Variants in EHF observed in about 807,000 individuals in gnomAD.
EHF encodes ESE3 transcription factor.
Under a neutral mutation model 45.1 loss-of-function variants are expected in EHF, and 14 were observed. That is an observed-to-expected ratio of 0.31 (90% confidence interval 0.21 to 0.49). EHF has a LOEUF of 0.49. EHF is among the 20% of genes least tolerant of loss of function. The pLI is 0.99. For missense variants in EHF, 282 were observed against 371.4 expected (o/e 0.76, Z 1.98); for synonymous variants, 136 against 131.8 (o/e 1.03, Z -0.22).
intron 1 of EHF, chr11:34,642,312 A>AAAC: frequency 5.5e-6 from 1 of 181,508 alleles, no homozygotes; most frequent in East Asian, 1.4e-4. Context: ...AAAAAAAAAA[A>AAAC]CTGCTTGGAT....
chr11:34,640,586 T>C (rs1853896742), intron 1 of EHF, among the ~76,000 whole-genome samples: 1 of 152,188 alleles, frequency 6.6e-6, no homozygotes, highest in South Asian at 2.1e-4. Flanking sequence ...GACTTAGAGA[T>C]TTTCTTTCGT....
chr11:34,629,531 A>G (rs1238505973), intron 1 of EHF, among the ~76,000 whole-genome samples: 1 of 152,192 alleles, frequency 6.6e-6, no homozygotes, highest in Non-Finnish European at 1.5e-5. Context: ...GAAAATTCAG[A>G]TGTTATTTGC....
In EHF at chr11:34,659,070, G is replaced by A. The variant is rs1855921312; in HGVS notation, c.*139G>A. On this transcript the variant is annotated 3_prime_UTR_variant, in exon 9 of 9. Transcript: ENST00000257831. ...GGGGAACAAGAAACTACTTCTAACG[G>A]GAAGAAGAAACACTACGGTCGATTA... is the stretch of plus-strand genomic sequence containing the variant. 1 of 642,440 alleles carries A rather than the reference G, an allele frequency of 1.6e-6. No homozygotes were observed. The highest frequency in any genetic ancestry group is 1.9e-5 in the African/African-American group (1 of 53,936). 39.8% of individuals were successfully genotyped at this position (642,440 alleles called of 1,614,324 possible).
intron 3 of EHF, 93 bp from the exon 4 acceptor site, chr11:34,648,926 A>G (rs1242309490): frequency 8.3e-7 from 1 of 1,204,576 alleles, no homozygotes; most frequent in Non-Finnish European, 1.2e-6. Flanking sequence ...GGATGGCAGA[A>G]GCTCTGCAAA....
chr11:34,639,164 G>A (rs1038293435), intron 1 of EHF, among the ~76,000 whole-genome samples: 59 of 152,186 alleles, frequency 3.9e-4, no homozygotes, highest in African/African-American at 1.4e-3. Flanking sequence ...ATGGCTGAAA[G>A]ATGGGACCTA....
chr11:34,640,282 A>G (rs1225119232), intron 1 of EHF, among the ~76,000 whole-genome samples: 1 of 149,782 alleles, frequency 6.7e-6, no homozygotes, highest in African/African-American at 2.4e-5. Flanking sequence ...GTCAGGAAGC[A>G]TAGCTGGCCC....
In EHF at chr11:34,623,932, CT is replaced by C. The variant is rs145339939; in HGVS notation, c.-4+2708del. ...GTACAAATTATTGAGAAGTTATTGT[CT>C]TTTCTCCCTTCCTCCATATGGAGTC... On this transcript the variant is annotated intron_variant, in intron 1 of 8. Coordinates refer to ENST00000257831, the MANE Select transcript of EHF (RefSeq NM_012153.6). Among the ~76,000 whole-genome samples the C allele has an allele frequency of 2.5e-3, 378 of 152,246 alleles. 10 individuals are homozygous for C. Among genetic ancestry groups the C allele is most frequent in the East Asian group, 0.019 (98 of 5,172 alleles).
At position 34,659,915 on chromosome 11, in the gene EHF, A is replaced by G. The variant is rs11821793; in HGVS notation, c.*984A>G. On this transcript the variant is annotated 3_prime_UTR_variant, in exon 9 of 9. Transcript: ENST00000257831. The stretch of plus-strand genomic sequence containing the variant: ...ATGGTCTCTAACCACTTGACACCAG[A>G]AACCCCCCAGCTGTGATAACGCAAA... The G allele has an allele frequency of 0.44, 66,669 of 151,734 alleles. 15,721 individuals are homozygous for G. Among genetic ancestry groups the G allele is most frequent in the Non-Finnish European group, 0.53 (36,320 of 67,942 alleles). 9.4% of individuals were successfully genotyped at this position (151,734 alleles called of 1,614,324 possible). A position where few individuals can be genotyped will look rare whatever the true frequency, so the allele number is the denominator to read the frequency against.
Position 34,659,246 on chromosome 11 carries a change from T to C in EHF, c.*315T>C, listed in dbSNP as rs1855933155. On this transcript the variant is annotated 3_prime_UTR_variant, in exon 9 of 9. Transcript: ENST00000257831. ...TGCAAGAGTAACAGGATTTGTAGCC[T>C]TGTGCTTCTTGCTAAGAGAAAGAAA... The C allele has an allele frequency of 9.3e-6, 2 of 215,350 alleles. No homozygotes were observed. Among genetic ancestry groups the C allele is most frequent in the African/African-American group, 4.6e-5 (2 of 43,360 alleles). The allele number at this position is 215,350 out of a possible 1,614,324, so 13.3% of individuals were successfully genotyped here.
chr11:34,658,953 A>G lies in EHF; in HGVS notation c.*22A>G, dbSNP rs746460359. 6.5e-5 allele frequency: 101 copies of G among 1,555,296 alleles called. No homozygotes were observed. The Admixed American group carries it at 1.8e-3, about 27-fold the overall frequency. ...CTGAAGCTGCCAATACTTTGGACAC[A>G]AACCAAAACACACACCAAATAATCA... On this transcript the variant is annotated 3_prime_UTR_variant, in exon 9 of 9. Transcript: ENST00000257831.
intron 1 of EHF, among the ~76,000 whole-genome samples, chr11:34,640,482 G>C (rs564808879): frequency 5.3e-5 from 8 of 152,142 alleles, no homozygotes; most frequent in Non-Finnish European, 1.0e-4. Flanking sequence ...ACTGCTTGTG[G>C]TTGAGCAAAT....
At chr11:34,631,562 C>T in intron 1 of EHF, 2 of 984,760 alleles carry the variant, frequency 2.0e-6, no homozygotes, top group Non-Finnish European at 2.4e-6. Flanking sequence ...AGGCCCTTTC[C>T]ACCTGGGACC....
intron 6 of EHF, among the ~76,000 whole-genome samples, chr11:34,655,378 T>C (rs547304669): frequency 1.3e-5 from 2 of 152,202 alleles, no homozygotes; most frequent in Non-Finnish European, 2.9e-5. Context: ...AATTATCTTT[T>C]CTACTAACAA....
At chr11:34,653,669 A>G (rs1855412671) in intron 6 of EHF, among the ~76,000 whole-genome samples, 1 of 152,146 alleles carries the variant, frequency 6.6e-6, no homozygotes, top group Non-Finnish European at 1.5e-5. Context: ...CTTCAGTAGG[A>G]TAGTTAATTA....
At chr11:34,644,492 G>A (rs910743957) in intron 2 of EHF, among the ~76,000 whole-genome samples, 1 of 152,170 alleles carries the variant, frequency 6.6e-6, no homozygotes, top group African/African-American at 2.4e-5. Flanking sequence ...CCACGTTGTG[G>A]GCCAGGGGCT....
intron 1 of EHF, chr11:34,632,326 C>A: frequency 1.7e-6 from 1 of 586,614 alleles, no homozygotes; most frequent in Non-Finnish European, 2.8e-6. Context: ...GGGAGGTATT[C>A]AGAAGATAAC....
At chr11:34,634,643 T>C (rs1853217416) in intron 1 of EHF, among the ~76,000 whole-genome samples, 1 of 152,162 alleles carries the variant, frequency 6.6e-6, no homozygotes, top group African/African-American at 2.4e-5. Flanking sequence ...AGGTAAAGCA[T>C]AAACAATTAT....
intron 2 of EHF, among the ~76,000 whole-genome samples, chr11:34,646,027 GGTGTGTGT>G (rs71041935): frequency 0.17 from 25,181 of 144,166 alleles, 2,623 homozygotes; most frequent in East Asian, 0.4. Context: ...TGAGTTTGGT[GGTGTGTGT>G]GTGTGTGTGT....
At chr11:34,633,342 T>C (rs1853084716) in intron 1 of EHF, among the ~76,000 whole-genome samples, 2 of 152,216 alleles carry the variant, frequency 1.3e-5, no homozygotes, top group African/African-American at 4.8e-5. Flanking sequence ...TGCTTGCATT[T>C]ATGGACATTT....
Sources: allele counts gnomAD v4.1 joint callset (sites outside exome capture counted in the v4.1 genomes callset), GRCh38; gene constraint gnomAD v4.1.1; transcripts MANE v1.5; gene names NCBI Gene and HGNC (gene_info 2026-07-23, HGNC 2026-07-21).